CYTH2: variants seen among roughly 807,000 people sequenced by gnomAD.
CYTH2 encodes cytohesin-2.
A neutral mutation model predicts 55.4 loss-of-function variants in CYTH2; 24 were observed. The ratio of observed to expected loss-of-function variants is 0.43; its 90% CI spans 0.31 to 0.61. CYTH2 has a LOEUF of 0.61. Among genes scored for constraint, CYTH2 ranks in the 20% least tolerant of loss-of-function variants. The pLI, the probability that CYTH2 is intolerant of heterozygous loss-of-function variation, is 0.08. For missense variants in CYTH2, 378 were observed against 533.5 expected, an observed-to-expected ratio of 0.71 and a Z score of 2.87; for synonymous variants, 221 against 209.6, an observed-to-expected ratio of 1.05 and a Z score of -0.47.
Position 48,469,521 on chromosome 19 carries a change from T to A in CYTH2, c.14T>A (p.Val5Asp). Residue 5 changes from valine to aspartate, a missense_variant, in exon 1 of 12, where the codon GTC becomes GAC. Physicochemically the swap from Val to Asp is radical, Grantham distance 152. Coordinates refer to ENST00000452733, the MANE Select transcript of CYTH2 (RefSeq NM_004228.7). MEDG[V>D]YEPPDLTPEE... ...TTCCTAGCCGCCATGGAGGACGGCG[T>A]CTATGGTAGGTCGGGGAGGGGCGGG... 1 of 1,327,616 alleles carries A rather than the reference T, an allele frequency of 7.5e-7. No homozygotes were observed. The allele number at this position is 1,327,616 out of a possible 1,614,324, so 82.2% of individuals were successfully genotyped here.
At position 48,473,353 on chromosome 19, in the gene CYTH2, G is replaced by A. The variant is rs1161361165; in HGVS notation, c.409G>A (p.Asp137Asn). The change falls in exon 5 of 12, where the codon GAC (aspartate) becomes AAC (asparagine). Residue 137 changes from aspartate (D) to asparagine (N), a missense_variant. Physicochemically the swap from Asp to Asn is conservative, Grantham distance 23. Transcript: ENST00000452733. ...HAFVDLHEFT[D>N]LNLVQALRQF... ...TTTTGTGGATCTGCATGAGTTCACC[G>A]ACCTCAATCTGGTGCAGGCCCTCAG... The A allele has an allele frequency of 5.6e-6, 9 of 1,613,958 alleles. No individual in the cohort carries two copies. Among genetic ancestry groups the A allele is most frequent in the African/African-American group, 4.0e-5 (3 of 74,904 alleles).
intron 4 of CYTH2, chr19:48,472,772 T>C (rs1294166145): frequency 1.3e-5 from 5 of 394,476 alleles, no homozygotes; most frequent in Non-Finnish European, 2.4e-5. Context: ...TGGCTGTGCA[T>C]AGGCACTGGG....
chr19:48,473,927 C>A lies in CYTH2; in HGVS notation c.457C>A (p.Leu153Ile), dbSNP rs764450200. 7 of 1,612,568 alleles carry A rather than the reference C, an allele frequency of 4.3e-6. No individual in the cohort carries two copies. The highest frequency in any genetic ancestry group is 5.9e-6 in the Non-Finnish European group (7 of 1,179,232). The change falls in exon 6 of 12, where the codon CTA becomes ATA. Residue 153 changes from leucine (L) to isoleucine (I), a missense_variant. Coordinates refer to ENST00000452733, the MANE Select transcript of CYTH2 (RefSeq NM_004228.7). ...ALRQFLWSFR[L>I]PGEAQKIDRM... ...CAGGCAGTTTCTATGGAGCTTTCGC[C>A]TACCCGGAGAGGCCCAGAAAATTGA... is the stretch of plus-strand genomic sequence containing the variant.
chr19:48,477,765 G>A (rs1021092436), intron 8 of CYTH2: 10 of 427,550 alleles, frequency 2.3e-5, no homozygotes, highest in African/African-American at 2.0e-4. Context: ...GACGAGGGGA[G>A]GGGGCTGCCC....
intron 8 of CYTH2, chr19:48,477,190 G>C (rs118114838): frequency 2.2e-4 from 34 of 152,456 alleles, no homozygotes; most frequent in African/African-American, 7.9e-4. Flanking sequence ...GTGTAGGCCC[G>C]AGTGAGTCTC....
At position 48,476,388 on chromosome 19, in the gene CYTH2, G is replaced by C. The variant is rs989614724; in HGVS notation, c.808+1439G>C. ...CCACTGCAGTCCAGCCTGGGCAACA[G>C]AGCGAGACCCCGTCTCTATAAAATA... On this transcript the variant is annotated intron_variant, in intron 8 of 11. Transcript: ENST00000452733. 13 of 175,414 alleles carry C rather than the reference G, an allele frequency of 7.4e-5. No homozygotes were observed. The South Asian group carries it at 1.1e-3, about 15-fold the overall frequency. 10.9% of individuals were successfully genotyped at this position (175,414 alleles called of 1,614,324 possible). A position where few individuals can be genotyped will look rare whatever the true frequency, so the allele number is the denominator to read the frequency against.
rs528615396 is a variant in CYTH2, at chr19:48,470,006, A to G, written c.20-347A>G. 1.5e-4 allele frequency: 84 copies of G among 566,450 alleles called. 1 individual carries two copies. Among genetic ancestry groups the G allele is most frequent in the Non-Finnish European group, 2.1e-4 (62 of 290,232 alleles). The allele number at this position is 566,450 out of a possible 1,614,324, so 35.1% of individuals were successfully genotyped here. ...CCAGGTCCCCAGCTACCTCGCCAGT[A>G]ATGGAGTCAGAAAACCAAGGCCTCA... On this transcript the variant is annotated intron_variant, in intron 1 of 11. Transcript: ENST00000452733.
intron 5 of CYTH2, 148 bp downstream of exon 5, chr19:48,473,526 A>G: frequency 3.9e-6 from 3 of 773,916 alleles, no homozygotes; most frequent in Non-Finnish European, 6.4e-6. Context: ...GCACCATAAA[A>G]GTTCAGGGTT....
intron 3 of CYTH2, among the ~76,000 whole-genome samples, 163 bp from the exon 4 acceptor site, chr19:48,472,162 A>G (rs1971811014): frequency 6.6e-6 from 1 of 152,248 alleles, no homozygotes; most frequent in East Asian, 1.9e-4. Context: ...TGCAAAGGCC[A>G]TGAGTTGGGA....
rs896083191 is a variant in CYTH2, at chr19:48,479,506, G to A, written c.*296G>A. 7.1e-5 allele frequency: 31 copies of A among 433,950 alleles called. No homozygotes were observed. Among genetic ancestry groups the A allele is most frequent in the African/African-American group, 3.4e-4 (17 of 50,460 alleles). The allele number at this position is 433,950 out of a possible 1,614,324, so 26.9% of individuals were successfully genotyped here. The stretch of plus-strand genomic sequence containing the variant: ...CTCTGGGTGCTGCCTGGGCTGTCCC[G>A]GTGGGTCTGTTCTGGTTTCACCCCG... On this transcript the variant is annotated 3_prime_UTR_variant, in exon 12 of 12. Coordinates refer to ENST00000452733, the MANE Select transcript of CYTH2 (RefSeq NM_004228.7).
chr19:48,470,380 G>A lies in CYTH2; in HGVS notation c.47G>A (p.Arg16Gln), dbSNP rs1332538604. ...YEPPDLTPEERMELENIRRRK... is the reference protein window; with the variant it reads ...YEPPDLTPEEQMELENIRRRK... ...CCCCCAGACCTGACTCCGGAGGAGC[G>A]GATGGAGCTGGAGAACATCCGGCGG... Residue 16 changes from arginine to glutamine, a missense_variant, in exon 2 of 12, where the codon CGG becomes CAG. Arg to Gln is a conservative substitution (Grantham distance 43). Transcript: ENST00000452733. 1.2e-6 allele frequency: 2 copies of A among 1,613,462 alleles called. No individual in the cohort carries two copies.
chr19:48,470,357 C>G lies in CYTH2; in HGVS notation c.24C>G (p.Pro8=), dbSNP rs751866744. 16 of 1,610,794 alleles carry G rather than the reference C, an allele frequency of 9.9e-6. No individual in the cohort carries two copies. Among genetic ancestry groups the G allele is most frequent in the South Asian group, 2.2e-5 (2 of 90,764 alleles). The change falls in exon 2 of 12, where the codon CCC becomes CCG. Residue 8 remains proline, a synonymous_variant. Transcript: ENST00000452733. The part of the protein sequence containing the change: MEDGVYE[P]PDLTPEERME... ...AACCTTGACCCCGATCCCTAGAACC[C>G]CCAGACCTGACTCCGGAGGAGCGGA...
rs1972039897 is a variant in CYTH2 at position 48,481,244 on chromosome 19, G to C, written c.*2034G>C. 1 of 153,026 alleles carries C rather than the reference G, an allele frequency of 6.5e-6. No individual in the cohort carries two copies. The highest frequency in any genetic ancestry group is 1.5e-5 in the Non-Finnish European group (1 of 68,436). 9.5% of individuals were successfully genotyped at this position (153,026 alleles called of 1,614,324 possible). A position where few individuals can be genotyped will look rare whatever the true frequency, so the allele number is the denominator to read the frequency against. On this transcript the variant is annotated 3_prime_UTR_variant, in exon 12 of 12. Transcript: ENST00000452733. ...AAAGGACTTGCTGAGAGCCGCCGCA[G>C]CTGGTGAATGACGGTGCCATGACTG...
At chr19:48,469,587 CG>C in intron 1 of CYTH2, 61 bp downstream of exon 1, 3 of 1,322,276 alleles carry the variant, frequency 2.3e-6, no homozygotes, top group Non-Finnish European at 2.9e-6. Flanking sequence ...CTGAACGTTC[CG>C]CCGCGAACGT....
chr19:48,477,738 T>A, intron 8 of CYTH2: 1 of 362,416 alleles, frequency 2.8e-6, no homozygotes. Context: ...ACGACCTGTC[T>A]TTGTCTCCCA....
Position 48,473,223 on chromosome 19 carries a change from C to T in CYTH2, c.354-75C>T, listed in dbSNP as rs1213825875. 2.6e-6 allele frequency: 4 copies of T among 1,525,870 alleles called. No individual in the cohort carries two copies. The East Asian group carries it at 9.0e-5, about 34-fold the overall frequency. 94.5% of individuals were successfully genotyped at this position (1,525,870 alleles called of 1,614,324 possible). On this transcript the variant is annotated intron_variant, in intron 4 of 11. Coordinates refer to ENST00000452733, the MANE Select transcript of CYTH2 (RefSeq NM_004228.7). Reference sequence around the variant, plus strand: ...TGGTGCAGTAGAGGGGGCACGACTTCCCCAGGGCATTGCCCTTTGCCCATT... The same window carrying T: ...TGGTGCAGTAGAGGGGGCACGACTTTCCCAGGGCATTGCCCTTTGCCCATT...
rs199625990 is a variant in CYTH2 at position 48,472,290 on chromosome 19, G to T, written c.235-35G>T. On this transcript the variant is annotated intron_variant, in intron 3 of 11. Transcript: ENST00000452733. ...GGGAGGTGAGTGGGGTGGCTTTCTG[G>T]CCCTCAGCACTGAGACCTTGTCCCC... 2,165 of 1,602,446 alleles carry T rather than the reference G, an allele frequency of 1.4e-3. 4 individuals are homozygous for T. The highest frequency in any genetic ancestry group is 1.7e-3 in the Non-Finnish European group (2,027 of 1,170,806).
chr19:48,478,703 G>T, intron 11 of CYTH2, 111 bp downstream of exon 11: 1 of 750,240 alleles, frequency 1.3e-6, no homozygotes, highest in Non-Finnish European at 2.1e-6. Flanking sequence ...GGAGGGGCTG[G>T]GGCCTGGACG....
rs745831432 is a variant in CYTH2, at chr19:48,478,418, C to G, written c.958-20C>G. 9 of 1,613,284 alleles carry G rather than the reference C, an allele frequency of 5.6e-6. No homozygotes were observed. The highest frequency in any genetic ancestry group is 6.8e-6 in the Non-Finnish European group (8 of 1,179,376). On this transcript the variant is annotated intron_variant, in intron 10 of 11. Transcript: ENST00000452733. ...GCCCAGGGCTGGTTCTTACCTGCGC[C>G]CTTCCTCTCTCGTCCCCAGAACTGC...
Sources: allele counts gnomAD v4.1 joint callset (sites outside exome capture counted in the v4.1 genomes callset), GRCh38; gene constraint gnomAD v4.1.1; transcripts MANE v1.5; gene names NCBI Gene and HGNC (gene_info 2026-07-23, HGNC 2026-07-21).